RNF111: variants seen among roughly 807,000 people sequenced by gnomAD.
RNF111 encodes ring finger protein 111.
In RNF111, 17 loss-of-function variants were observed where a neutral mutation model predicts 95.1. That is an observed-to-expected ratio of 0.18 (90% CI 0.12 to 0.27). RNF111 has a LOEUF of 0.27. Ranked by LOEUF, RNF111 falls within the 10% of genes least tolerant of loss-of-function variation. The pLI is 1.00. For synonymous variants in RNF111, 440 were observed against 414.8 expected, an observed-to-expected ratio of 1.06 and a Z score of -0.74; for missense variants, 1,189 against 1,210.4, an observed-to-expected ratio of 0.98 and a Z score of 0.26.
At chr15:59,016,443 A>G (rs1167126594) in intron 1 of RNF111, among the ~76,000 whole-genome samples, 1 of 152,044 alleles carries the variant, frequency 6.6e-6, no homozygotes, top group Non-Finnish European at 1.5e-5. Context: ...ATATTCTGTA[A>G]TTCTTTCCAT....
intron 7 of RNF111, among the ~76,000 whole-genome samples, chr15:59,078,609 G>A (rs1384096423): frequency 6.7e-6 from 1 of 149,732 alleles, no homozygotes; most frequent in African/African-American, 2.5e-5. Flanking sequence ...TGTAATCCCA[G>A]CACTTTCGGG....
At chr15:59,018,862 T>C (rs1420505560) in intron 1 of RNF111, among the ~76,000 whole-genome samples, 5 of 152,148 alleles carry the variant, frequency 3.3e-5, no homozygotes, top group African/African-American at 9.7e-5. Context: ...AAAGTTTGAG[T>C]TCAGCTTTTC....
chr15:59,000,241 A>G (rs1467654448), intron 1 of RNF111, among the ~76,000 whole-genome samples: 1 of 142,604 alleles, frequency 7.0e-6, no homozygotes, highest in Non-Finnish European at 1.5e-5. Context: ...TTAGTTCACT[A>G]CATTCTCTGC....
intron 7 of RNF111, among the ~76,000 whole-genome samples, chr15:59,078,137 C>G (rs927801032): frequency 1.5e-4 from 23 of 152,134 alleles, no homozygotes; most frequent in African/African-American, 5.3e-4. Context: ...TCTCTCTGTC[C>G]TTACATTCTT....
intron 6 of RNF111, among the ~76,000 whole-genome samples, chr15:59,070,102 T>C (rs2042851992): frequency 7.2e-6 from 1 of 139,496 alleles, no homozygotes; most frequent in Admixed American, 7.6e-5. Flanking sequence ...CTTAAACTCC[T>C]GGGCTTAAGT....
chr15:59,072,499 G>C (rs535895715), intron 6 of RNF111, among the ~76,000 whole-genome samples: 94 of 137,768 alleles, frequency 6.8e-4, no homozygotes, highest in Non-Finnish European at 1.3e-3. Context: ...TGTTGCCCAG[G>C]CTGGAGTGCA....
chr15:59,041,916 A>G (rs182530051), intron 2 of RNF111, among the ~76,000 whole-genome samples: 22 of 144,124 alleles, frequency 1.5e-4, no homozygotes, highest in Middle Eastern at 7.5e-3. Context: ...TGTTTTAAAA[A>G]CTTTAGGTCA....
At chr15:59,053,634 C>T (rs1240942227) in intron 3 of RNF111, among the ~76,000 whole-genome samples, 1 of 152,152 alleles carries the variant, frequency 6.6e-6, no homozygotes, top group African/African-American at 2.4e-5. Flanking sequence ...CTGAGTAAAA[C>T]TGAAAACCAG....
chr15:59,085,896 G>A, intron 10 of RNF111, 111 bp downstream of exon 10: 2 of 942,528 alleles, frequency 2.1e-6, no homozygotes, highest in Non-Finnish European at 3.0e-6. Flanking sequence ...GAATTTGAGA[G>A]TAATCTTGTT....
chr15:59,008,384 G>GT (rs2039637132), intron 1 of RNF111, among the ~76,000 whole-genome samples: 1 of 151,732 alleles, frequency 6.6e-6, no homozygotes, highest in Non-Finnish European at 1.5e-5. Context: ...TGCCTGACTA[G>GT]TTTTAAAATT....
chr15:59,038,875 C>G (rs1207964644), intron 2 of RNF111, among the ~76,000 whole-genome samples: 1 of 152,220 alleles, frequency 6.6e-6, no homozygotes, highest in African/African-American at 2.4e-5. Flanking sequence ...TCTGATCCTT[C>G]CATTATAAAG....
chr15:59,050,091 G>C lies in RNF111; in HGVS notation c.881-2214G>C, dbSNP rs570015063. Among the ~76,000 whole-genome samples, 5 of 148,992 alleles carry C rather than the reference G, an allele frequency of 3.4e-5. No homozygotes were observed. The East Asian group carries it at 7.9e-4, about 23-fold the overall frequency. On this transcript the variant is annotated intron_variant, in intron 2 of 13. Transcript: ENST00000348370. ...CTTTTTTTTTTTGTTTTGAGATGAA[G>C]TCTCATTCTGTTGCCCAGGCTGGAG...
chr15:59,026,749 A>G (rs2040629661), intron 1 of RNF111, among the ~76,000 whole-genome samples: 1 of 152,188 alleles, frequency 6.6e-6, no homozygotes, highest in African/African-American at 2.4e-5. Context: ...ACATGATACA[A>G]TACAGCGATG....
chr15:59,007,050 T>C (rs186078357), intron 1 of RNF111, among the ~76,000 whole-genome samples: 1 of 152,338 alleles, frequency 6.6e-6, no homozygotes, highest in East Asian at 1.9e-4. Context: ...CCTCTTGAAG[T>C]GCTGGAATTC....
intron 1 of RNF111, among the ~76,000 whole-genome samples, chr15:59,017,590 C>T (rs939177539): frequency 2.6e-5 from 4 of 152,084 alleles, no homozygotes; most frequent in Non-Finnish European, 5.9e-5. Context: ...CTGGAAGCCA[C>T]TTAAAGTTCA....
chr15:59,043,740 C>T (rs1209775449), intron 2 of RNF111, among the ~76,000 whole-genome samples: 1 of 152,188 alleles, frequency 6.6e-6, no homozygotes, highest in African/African-American at 2.4e-5. Flanking sequence ...CTTATACCTT[C>T]AGTAACTTTA....
intron 2 of RNF111, among the ~76,000 whole-genome samples, chr15:59,042,607 T>TA (rs1410856891): frequency 3.3e-5 from 5 of 152,190 alleles, no homozygotes; most frequent in African/African-American, 1.2e-4. Flanking sequence ...TGTTTATCCT[T>TA]ACGTATAATA....
chr15:59,005,174 G>A (rs933058557), intron 1 of RNF111, among the ~76,000 whole-genome samples: 1 of 152,024 alleles, frequency 6.6e-6, no homozygotes, highest in East Asian at 1.9e-4. Context: ...TACAACTCAA[G>A]TTCTCTTTCT....
chr15:59,032,082 GTGCCCACCACCA>G (rs1395821491), intron 2 of RNF111, among the ~76,000 whole-genome samples: 1 of 152,040 alleles, frequency 6.6e-6, no homozygotes, highest in African/African-American at 2.4e-5. Flanking sequence ...AGGATTACAG[GTGCCCACCACCA>G]TGCCCAGCTA....
Sources: gnomAD v4.1 joint callset for allele counts (sites outside exome capture counted in the v4.1 genomes callset) on GRCh38, gnomAD v4.1.1 for gene constraint, MANE v1.5 for transcripts, NCBI Gene and HGNC (gene_info 2026-07-23, HGNC 2026-07-21) for gene names.